Variants in OTOG observed in about 807,000 individuals in gnomAD.
OTOG encodes otogelin.
A neutral mutation model predicts 313.8 loss-of-function variants in OTOG; 296 were observed. The observed-to-expected ratio is 0.94, with a 90% confidence interval of 0.86 to 1.04. The LOEUF (loss-of-function observed/expected upper bound fraction) is 1.04. OTOG is among the 50% of genes least tolerant of loss of function. OTOG has a pLI of 0.00. For missense variants in OTOG, 3,948 were observed against 3,840.1 expected, an observed-to-expected ratio of 1.03 and a Z score of -0.74; for synonymous variants, 1,533 against 1,554.9, an observed-to-expected ratio of 0.99 and a Z score of 0.33.
chr11:17,552,615 T>TGTGTCC (rs1454853324), intron 4 of OTOG, among the ~76,000 whole-genome samples: 415 of 149,664 alleles, frequency 2.8e-3, no homozygotes, highest in African/African-American at 5.6e-3. Flanking sequence ...CCACCTGTCC[T>TGTGTCC]CTCACATCAT....
intron 39 of OTOG, among the ~76,000 whole-genome samples, chr11:17,615,202 A>AGTCTTTTGC: frequency 6.6e-6 from 1 of 152,200 alleles, no homozygotes; most frequent in East Asian, 1.9e-4. Context: ...GCACATTTTA[A>AGTCTTTTGC]AGATCATGTT....
intron 24 of OTOG, among the ~76,000 whole-genome samples, chr11:17,587,381 T>C: frequency 6.6e-6 from 1 of 152,202 alleles, no homozygotes. Context: ...GAACGATGAA[T>C]GTGCCCTGAT....
rs1347081087 is a variant in OTOG, at chr11:17,640,890, T to C, written c.8012-23T>C. ...GGGTGCCTGGGCTCTGGATGACTGTTGCCGCCCTGCATGCCCATCCAGTGA... is the reference window on the plus strand; with the variant it reads ...GGGTGCCTGGGCTCTGGATGACTGTCGCCGCCCTGCATGCCCATCCAGTGA... On this transcript the variant is annotated intron_variant, in intron 50 of 55. Coordinates refer to ENST00000399397, the MANE Select transcript of OTOG (RefSeq NM_001292063.2). The C allele has an allele frequency of 7.7e-6, 12 of 1,548,998 alleles. No homozygotes were observed. In the South Asian group the frequency reaches 1.2e-4, roughly 15 times the overall value.
In OTOG at chr11:17,611,329, C is replaced by A; in HGVS notation, c.6029C>A (p.Pro2010Gln). The change falls in exon 36 of 56, where the codon CCA becomes CAA. Residue 2010 changes from proline to glutamine, a missense_variant. Pro to Gln is a moderately conservative substitution (Grantham distance 76). Transcript: ENST00000399397. Reference sequence around the variant, plus strand: ...CCGGTGGACGAGGCCACCACAGAACCATCTGGGCGCTCAGCCCCAGCCCTG... The same window carrying A: ...CCGGTGGACGAGGCCACCACAGAACAATCTGGGCGCTCAGCCCCAGCCCTG... Reference protein sequence around the residue: ...AEPVDEATTEPSGRSAPALSI... With the variant: ...AEPVDEATTEQSGRSAPALSI... 11 of 1,550,526 alleles carry A rather than the reference C, an allele frequency of 7.1e-6. No individual in the cohort carries two copies. The highest frequency in any genetic ancestry group is 9.6e-6 in the Non-Finnish European group (11 of 1,146,932).
chr11:17,565,599 A>C (rs1463180188), intron 15 of OTOG, among the ~76,000 whole-genome samples: 1 of 152,188 alleles, frequency 6.6e-6, no homozygotes, highest in Non-Finnish European at 1.5e-5. Context: ...GAGAATCTAC[A>C]TGCATTATTT....
rs528832820 is a variant in OTOG at position 17,600,087 on chromosome 11, C to T, written c.3709+390C>T. ...GATTAGCTTTTGGCAAAAGCAGACA[C>T]AAACTGCCCTTTCTGACTATGGGTG... On this transcript the variant is annotated intron_variant, in intron 31 of 55. Coordinates refer to ENST00000399397, the MANE Select transcript of OTOG (RefSeq NM_001292063.2). 3.3e-5 allele frequency among the ~76,000 whole-genome samples: 5 copies of T among 152,382 alleles called. No individual in the cohort carries two copies. In the South Asian group the frequency reaches 1.0e-3, roughly 32 times the overall value.
chr11:17,608,147 C>T (rs1010501258), intron 33 of OTOG, 149 bp from the exon 34 acceptor site: 4 of 558,704 alleles, frequency 7.2e-6, no homozygotes, highest in African/African-American at 2.0e-5. Flanking sequence ...ACCATGAACG[C>T]AGTTTCTCCT....
intron 15 of OTOG, among the ~76,000 whole-genome samples, chr11:17,562,046 A>AATATAT (rs375919593): frequency 6.7e-4 from 93 of 139,820 alleles, no homozygotes; most frequent in African/African-American, 1.0e-3. Flanking sequence ...CTAAAAAAAA[A>AATATAT]ATATATATAT....
intron 38 of OTOG, 109 bp downstream of exon 38, chr11:17,612,874 C>T (rs769223703): frequency 5.1e-5 from 66 of 1,282,596 alleles, no homozygotes; most frequent in African/African-American, 1.1e-4. Flanking sequence ...GATGTGGAAG[C>T]CCCCCTGAGC....
chr11:17,583,204 G>A (rs1014013808), intron 23 of OTOG, among the ~76,000 whole-genome samples: 9 of 151,936 alleles, frequency 5.9e-5, no homozygotes, highest in East Asian at 1.9e-4. Flanking sequence ...GTGCCATCAC[G>A]GCTCACAGCA....
At chr11:17,558,757 C>A in intron 10 of OTOG, 113 bp downstream of exon 10, 1 of 1,140,920 alleles carries the variant, frequency 8.8e-7, no homozygotes, top group Non-Finnish European at 1.3e-6. Flanking sequence ...CTTCCCAAGG[C>A]TCTGAAATTC....
At chr11:17,592,313 A>G (rs1425585314) in intron 25 of OTOG, among the ~76,000 whole-genome samples, 1 of 152,252 alleles carries the variant, frequency 6.6e-6, no homozygotes, top group Non-Finnish European at 1.5e-5. Flanking sequence ...AAAACCTTTT[A>G]TGGAAGGAAT....
In OTOG at chr11:17,556,950, A is replaced by G. The variant is rs569799987; in HGVS notation, c.660-168A>G. ...TTAAAAAATTTCTAAAGACAAAAGAATCCATCTCTAATGGTATACTTCCAG... is the reference window on the plus strand; with the variant it reads ...TTAAAAAATTTCTAAAGACAAAAGAGTCCATCTCTAATGGTATACTTCCAG... On this transcript the variant is annotated intron_variant, in intron 7 of 55. Transcript: ENST00000399397. Among the ~76,000 whole-genome samples, 3 of 152,342 alleles carry G rather than the reference A, an allele frequency of 2.0e-5. No individual in the cohort carries two copies. In the South Asian group the frequency reaches 6.2e-4, roughly 32 times the overall value.
intron 31 of OTOG, among the ~76,000 whole-genome samples, chr11:17,601,630 G>A: frequency 7.3e-6 from 1 of 137,476 alleles, no homozygotes; most frequent in South Asian, 2.8e-4. Flanking sequence ...GCAGCCGTGG[G>A]GAGGAGGCAT....
At chr11:17,578,261 G>A (rs1172417105) in intron 22 of OTOG, 112 bp from the exon 23 acceptor site, 1 of 1,409,630 alleles carries the variant, frequency 7.1e-7, no homozygotes, top group Non-Finnish European at 9.2e-7. Context: ...CGACCAGGGA[G>A]GGAGGAGACT....
At chr11:17,558,448 C>A (rs778741345) in intron 9 of OTOG, 90 bp from the exon 10 acceptor site, 1 of 1,522,302 alleles carries the variant, frequency 6.6e-7, no homozygotes, top group Non-Finnish European at 8.9e-7. Flanking sequence ...GCCTTCCTCT[C>A]CCTCTCCCCA....
chr11:17,587,615 G>A (rs535054969), intron 24 of OTOG, among the ~76,000 whole-genome samples: 13 of 152,282 alleles, frequency 8.5e-5, no homozygotes, highest in African/African-American at 3.1e-4. Flanking sequence ...AGGCCATAGT[G>A]TTTCTTTCTG....
rs145913471 is a variant in OTOG at position 17,590,499 on chromosome 11, T to C, written c.2868-951T>C. ...CCTGCTCCAGGCTGCCATGATCTCT[T>C]CCCTGATGTGCTGCAGTAGCCACTC... On this transcript the variant is annotated intron_variant, in intron 24 of 55. Coordinates refer to ENST00000399397, the MANE Select transcript of OTOG (RefSeq NM_001292063.2). Among the ~76,000 whole-genome samples, 436 of 152,358 alleles carry C rather than the reference T, an allele frequency of 2.9e-3. 3 individuals are homozygous for C. Among genetic ancestry groups the C allele is most frequent in the African/African-American group, 9.8e-3 (407 of 41,574 alleles).
chr11:17,633,858 C>G lies in OTOG; in HGVS notation c.7251C>G (p.Ile2417Met), dbSNP rs1476054405. The change falls in exon 43 of 56, where the codon ATC becomes ATG. Residue 2417 changes from isoleucine (I) to methionine (M), a missense_variant. By Grantham distance (10) the Ile-to-Met change is conservative (BLOSUM62 1). Transcript: ENST00000399397. ...ILHRRHSALC[I>M]PEAKCACTDS... ...ACCGGCGCCACTCTGCACTCTGCAT[C>G]CCGGAGGCCAAGTGCGGTAGGTTCC... The G allele has an allele frequency of 6.5e-7, 1 of 1,540,994 alleles. No individual in the cohort carries two copies. The highest frequency in any genetic ancestry group is 1.4e-5 in the African/African-American group (1 of 72,852).
Sources: gnomAD v4.1 joint callset for allele counts (sites outside exome capture counted in the v4.1 genomes callset) on GRCh38, gnomAD v4.1.1 for gene constraint, MANE v1.5 for transcripts, NCBI Gene and HGNC (gene_info 2026-07-23, HGNC 2026-07-21) for gene names.